SMARCA2: variants seen among roughly 807,000 people sequenced by gnomAD.
The protein encoded by SMARCA2 is SWI/SNF related BAF chromatin remodeling complex subunit ATPase 2, also known as SWI/SNF-related matrix-associated actin-dependent regulator of chromatin subfamily A member 2.
SMARCA2 carries 61 observed loss-of-function variants against 199.8 expected under a neutral mutation model. The ratio of observed to expected loss-of-function variants is 0.31; its 90% confidence interval spans 0.25 to 0.38. The LOEUF is 0.38. Among genes scored for constraint, SMARCA2 ranks in the 10% least tolerant of loss-of-function variants. SMARCA2 has a pLI of 1.00. For missense variants in SMARCA2, 1,344 were observed against 2,012.2 expected, an observed-to-expected ratio of 0.67 and a Z score of 6.35; for synonymous variants, 935 against 732.0, an observed-to-expected ratio of 1.28 and a Z score of -4.48.
intron 21 of SMARCA2, among the ~76,000 whole-genome samples, chr9:2,099,897 A>C (rs1822435632): frequency 1.3e-5 from 2 of 152,182 alleles, no homozygotes; most frequent in African/African-American, 4.8e-5. Flanking sequence ...GGTTTTGACA[A>C]TCCTGCTTGG....
At chr9:2,042,923 A>G (rs767173044) in intron 4 of SMARCA2, 22 of 152,186 alleles carry the variant, frequency 1.4e-4, no homozygotes, top group Non-Finnish European at 3.1e-4. Flanking sequence ...ATTTGACAGC[A>G]TTGCTGAACT....
Position 2,104,509 on chromosome 9 carries a change from AC to A in SMARCA2, c.3292+341del, listed in dbSNP as rs748267725. ...TGCCAAAGATATAGAATACATTGACACACCTTTAACTTTTTCAGTTAAGGCA... is the reference window on the plus strand; with the variant it reads ...TGCCAAAGATATAGAATACATTGACAACCTTTAACTTTTTCAGTTAAGGCA... On this transcript the variant is annotated intron_variant, in intron 23 of 33. Coordinates refer to ENST00000349721, the MANE Select transcript of SMARCA2 (RefSeq NM_003070.5). The surrounding 1 kb of genome is among the most constrained non-coding windows in gnomAD (Gnocchi z 4.0). Among the ~76,000 whole-genome samples, 7 of 152,232 alleles carry A rather than the reference AC, an allele frequency of 4.6e-5. No individual in the cohort carries two copies. The highest frequency in any genetic ancestry group is 1.0e-4 in the Non-Finnish European group (7 of 68,036).
At chr9:2,139,540 A>AT (rs1282820510) in intron 27 of SMARCA2, among the ~76,000 whole-genome samples, 1 of 152,206 alleles carries the variant, frequency 6.6e-6, no homozygotes, top group Non-Finnish European at 1.5e-5. Context: ...AAGAGAATTA[A>AT]TAAGTCCAGC....
intron 22 of SMARCA2, among the ~76,000 whole-genome samples, chr9:2,102,548 A>C (rs1342916255): frequency 6.6e-6 from 1 of 152,186 alleles, no homozygotes. Context: ...AGTTTTCCAA[A>C]CAGTATCACC....
At chr9:2,067,172 T>C (rs770092001) in intron 9 of SMARCA2, among the ~76,000 whole-genome samples, 5 of 152,240 alleles carry the variant, frequency 3.3e-5, no homozygotes, top group African/African-American at 7.2e-5. Flanking sequence ...ACCAATTCAA[T>C]GGCTAATTGT....
rs1404278123 is a variant in SMARCA2, at chr9:2,119,068, T to G, written c.3685-390T>G. Among the ~76,000 whole-genome samples, 1 of 152,176 alleles carries G rather than the reference T, an allele frequency of 6.6e-6. No individual in the cohort carries two copies. The highest frequency in any genetic ancestry group is 1.5e-5 in the Non-Finnish European group (1 of 68,036). ...ATAAGGTAAATGGAATTAAAAGAATTAATGTTAGGTACTTTTTCATATGGA... is the reference window on the plus strand; with the variant it reads ...ATAAGGTAAATGGAATTAAAAGAATGAATGTTAGGTACTTTTTCATATGGA... On this transcript the variant is annotated intron_variant, in intron 25 of 33. Coordinates refer to ENST00000349721, the MANE Select transcript of SMARCA2 (RefSeq NM_003070.5). The surrounding 1 kb of genome is among the most constrained non-coding windows in gnomAD (Gnocchi z 4.6).
chr9:2,192,867 T>A lies in SMARCA2; in HGVS notation c.*128T>A. On this transcript the variant is annotated 3_prime_UTR_variant, in exon 34 of 34. Coordinates refer to ENST00000349721, the MANE Select transcript of SMARCA2 (RefSeq NM_003070.5). ...ATCATCATCGTCTATAAACTAGCTT[T>A]AGGATAGTGCCAGACAAACATATGA... 1 of 717,718 alleles carries A rather than the reference T, an allele frequency of 1.4e-6. No individual in the cohort carries two copies. Among genetic ancestry groups the A allele is most frequent in the Admixed American group, 2.2e-5 (1 of 44,590 alleles). The allele number at this position is 717,718 out of a possible 1,614,324, so 44.5% of individuals were successfully genotyped here.
At chr9:2,127,402 C>T (rs1362587293) in intron 27 of SMARCA2, among the ~76,000 whole-genome samples, 1 of 152,152 alleles carries the variant, frequency 6.6e-6, no homozygotes, top group Non-Finnish European at 1.5e-5. Context: ...ATGCCCTGTC[C>T]ATGGACCTAT....
Position 2,065,020 on chromosome 9 carries a change from TA to T in SMARCA2, c.1692+4040del, listed in dbSNP as rs35179840. On this transcript the variant is annotated intron_variant, in intron 9 of 33. Transcript: ENST00000349721. The stretch of plus-strand genomic sequence containing the variant: ...TAACATGTTGAAACCCCATCTCTAC[TA>T]AAAAATACAAAAAATTAGCCGGGCG... Among the ~76,000 whole-genome samples the T allele has an allele frequency of 8.2e-3, 1,243 of 152,102 alleles. 10 individuals are homozygous for T. Among genetic ancestry groups the T allele is most frequent in the Non-Finnish European group, 0.012 (849 of 67,978 alleles).
At chr9:2,070,118 T>C (rs1011225098) in intron 9 of SMARCA2, among the ~76,000 whole-genome samples, 4 of 152,366 alleles carry the variant, frequency 2.6e-5, no homozygotes, top group African/African-American at 9.6e-5. Flanking sequence ...TTTCAGATTC[T>C]GACCACTGTC....
chr9:2,049,550 G>C (rs770319757), intron 5 of SMARCA2, among the ~76,000 whole-genome samples: 2 of 152,136 alleles, frequency 1.3e-5, no homozygotes, highest in Non-Finnish European at 2.9e-5. Flanking sequence ...TGTGGCTTTT[G>C]AAACGACTGA....
intron 28 of SMARCA2, among the ~76,000 whole-genome samples, chr9:2,163,247 G>C (rs1414265846): frequency 6.6e-6 from 1 of 152,118 alleles, no homozygotes; most frequent in Non-Finnish European, 1.5e-5. Flanking sequence ...TTGCCCACCA[G>C]GTCTCTCAGA....
chr9:2,071,637 G>A (rs551442925), intron 10 of SMARCA2, among the ~76,000 whole-genome samples: 1 of 152,244 alleles, frequency 6.6e-6, no homozygotes, highest in Admixed American at 6.5e-5. Context: ...GGATTGCAAC[G>A]TGGACATCTT....
intron 29 of SMARCA2, among the ~76,000 whole-genome samples, chr9:2,172,049 C>T (rs1395417125): frequency 3.3e-5 from 5 of 152,166 alleles, no homozygotes; most frequent in Non-Finnish European, 5.9e-5. Flanking sequence ...GTGTTTGCTT[C>T]CTCAGGGCTC....
At chr9:2,120,624 T>C (rs1471766505) in intron 26 of SMARCA2, among the ~76,000 whole-genome samples, 1 of 152,176 alleles carries the variant, frequency 6.6e-6, no homozygotes, top group Non-Finnish European at 1.5e-5. Context: ...TGGAGAGGCT[T>C]ATGTTATTTT....
chr9:2,071,773 A>G (rs1204144940), intron 10 of SMARCA2, among the ~76,000 whole-genome samples: 1 of 152,206 alleles, frequency 6.6e-6, no homozygotes, highest in Admixed American at 6.5e-5. Flanking sequence ...CTGTATTATA[A>G]TGGTTCATGA....
At position 2,161,796 on chromosome 9, in the gene SMARCA2, TAAG is replaced by T. The variant is rs1409422832; in HGVS notation, c.4097_4099del (p.Lys1366del). 2 of 1,613,886 alleles carry T rather than the reference TAAG, an allele frequency of 1.2e-6. No individual in the cohort carries two copies. Among genetic ancestry groups the T allele is most frequent in the Non-Finnish European group, 1.7e-6 (2 of 1,179,944 alleles). The stretch of plus-strand genomic sequence containing the variant: ...CTGCAAAAGAAGATGTGGAAAAAGC[TAAG>T]AAGAGAAGAGGCCGCCCTCCCGCTG... On this transcript the variant is annotated inframe_deletion, in exon 28 of 34. Coordinates refer to ENST00000349721, the MANE Select transcript of SMARCA2 (RefSeq NM_003070.5). The surrounding 1 kb of genome is among the most constrained non-coding windows in gnomAD (Gnocchi z 4.7).
intron 27 of SMARCA2, among the ~76,000 whole-genome samples, chr9:2,128,124 C>T (rs1318925594): frequency 2.0e-5 from 3 of 152,150 alleles, no homozygotes; most frequent in East Asian, 3.8e-4. Flanking sequence ...CCCGGGGGCT[C>T]CCATCCCATC....
rs61327057 is a variant in SMARCA2 at position 2,174,924 on chromosome 9, C to CAAAAAA, written c.4253+4475_4253+4480dup. ...TGGGGGACAGAGTGAGACCCTCTCTCAAAAAAAAAAAAAAAAAAAAAAAAA... is the reference window on the plus strand; with the variant it reads ...TGGGGGACAGAGTGAGACCCTCTCTCAAAAAAAAAAAAAAAAAAAAAAAAAAAAAAA... On this transcript the variant is annotated intron_variant, in intron 29 of 33. Coordinates refer to ENST00000349721, the MANE Select transcript of SMARCA2 (RefSeq NM_003070.5). Among the ~76,000 whole-genome samples, 31 of 62,304 alleles carry CAAAAAA rather than the reference C, an allele frequency of 5.0e-4. 1 individual carries two copies. The highest frequency in any genetic ancestry group is 1.6e-3 in the African/African-American group (22 of 13,964). 40.9% of individuals were successfully genotyped at this position (62,304 alleles called of 152,430 possible). A position where few individuals can be genotyped will look rare whatever the true frequency, so the allele number is the denominator to read the frequency against.
Sources: allele counts gnomAD v4.1 joint callset (sites outside exome capture counted in the v4.1 genomes callset), GRCh38; gene constraint gnomAD v4.1.1; non-coding constraint Gnocchi (gnomAD v3.1); transcripts MANE v1.5; gene names NCBI Gene and HGNC (gene_info 2026-07-23, HGNC 2026-07-21).